CUX2: variants seen among roughly 807,000 people sequenced by gnomAD.
CUX2 encodes the protein homeobox protein cut-like 2.
In CUX2, 40 loss-of-function variants were observed where a neutral mutation model predicts 144.8. The observed-to-expected ratio is 0.28, with a 90% CI of 0.21 to 0.36. CUX2 has a LOEUF of 0.36. CUX2 is among the 10% of genes least tolerant of loss of function. The pLI is 1.00. For synonymous variants in CUX2, 827 were observed against 875.6 expected (o/e 0.94, Z 0.98); for missense variants, 1,615 against 1,994.0 (o/e 0.81, Z 3.62).
At chr12:111,309,765 GTCTCTCTGTCTTGCTCTCCCTCTCTC>G (rs1159971645) in intron 14 of CUX2, among the ~76,000 whole-genome samples, 1 of 148,802 alleles carries the variant, frequency 6.7e-6, no homozygotes, top group African/African-American at 2.5e-5. Flanking sequence ...CTCTCATGTG[GTCTCTCTGTCTTGCTCTCCCTCTCTC>G]TCTCTCTGTC....
chr12:111,183,456 A>G (rs1160838277), intron 1 of CUX2, among the ~76,000 whole-genome samples: 1 of 152,226 alleles, frequency 6.6e-6, no homozygotes, highest in Non-Finnish European at 1.5e-5. Flanking sequence ...GGGTCTGGCA[A>G]TAGGCAGAAG....
At chr12:111,326,395 T>C (rs1268801218) in intron 18 of CUX2, among the ~76,000 whole-genome samples, 1 of 69,154 alleles carries the variant, frequency 1.4e-5, no homozygotes, top group Non-Finnish European at 2.9e-5. Context: ...GAGGGGTGGG[T>C]TTTGTTTATA....
intron 1 of CUX2, among the ~76,000 whole-genome samples, chr12:111,116,877 A>G (rs1487430410): frequency 1.3e-5 from 2 of 152,168 alleles, no homozygotes; most frequent in Non-Finnish European, 2.9e-5. Flanking sequence ...TTAGTTGGAG[A>G]ACATTCTGGT....
chr12:111,229,973 C>T (rs1214554674), intron 3 of CUX2, among the ~76,000 whole-genome samples: 2 of 148,814 alleles, frequency 1.3e-5, no homozygotes, highest in African/African-American at 2.5e-5. Context: ...GAGATCGTGC[C>T]ACTGCACTCC....
At chr12:111,234,716 CTTTT>C in intron 3 of CUX2, among the ~76,000 whole-genome samples, 1 of 132,940 alleles carries the variant, frequency 7.5e-6, no homozygotes, top group African/African-American at 2.8e-5. Context: ...CTTCCCCTTT[CTTTT>C]TTTTTTTTTT....
intron 1 of CUX2, among the ~76,000 whole-genome samples, chr12:111,099,137 C>T (rs1162530294): frequency 6.6e-6 from 1 of 152,238 alleles, no homozygotes; most frequent in Non-Finnish European, 1.5e-5. Context: ...ATCCCAAATG[C>T]TCAGCAGTGT....
Position 111,342,650 on chromosome 12 carries a change from A to G in CUX2, c.3659+597A>G, listed in dbSNP as rs141531122. Among the ~76,000 whole-genome samples the G allele has an allele frequency of 1.1e-3, 165 of 151,874 alleles. No individual in the cohort carries two copies. The East Asian group carries it at 0.016, about 15-fold the overall frequency. ...TGCACAGAGGATTTGATAGACTAACATAGTTACATAAAATACCTAGCGTGT... is the reference window on the plus strand; with the variant it reads ...TGCACAGAGGATTTGATAGACTAACGTAGTTACATAAAATACCTAGCGTGT... On this transcript the variant is annotated intron_variant, in intron 21 of 21. Coordinates refer to ENST00000261726, the MANE Select transcript of CUX2 (RefSeq NM_015267.4).
chr12:111,255,545 C>G lies in CUX2; in HGVS notation c.223-8216C>G, dbSNP rs1883775859. Among the ~76,000 whole-genome samples the G allele has an allele frequency of 6.6e-6, 1 of 152,142 alleles. No homozygotes were observed. The highest frequency in any genetic ancestry group is 2.4e-5 in the African/African-American group (1 of 41,426). Reference sequence around the variant, plus strand: ...GGTTATTCCAGGTGCTTCCACCAGCCCCCAACCAAAGAATCGATTCTGAGT... The same window carrying G: ...GGTTATTCCAGGTGCTTCCACCAGCGCCCAACCAAAGAATCGATTCTGAGT... On this transcript the variant is annotated intron_variant, in intron 3 of 21. Transcript: ENST00000261726. The surrounding 1 kb of genome is among the most constrained non-coding windows in gnomAD (Gnocchi z 4.1).
rs115803748 is a variant in CUX2 at position 111,092,706 on chromosome 12, G to A, written c.63+58466G>A. 5.4e-3 allele frequency among the ~76,000 whole-genome samples: 816 copies of A among 151,938 alleles called. 8 individuals carry two copies. Among genetic ancestry groups the A allele is most frequent in the African/African-American group, 0.018 (756 of 41,436 alleles). Reference sequence around the variant, plus strand: ...CCTTTAATAATAAAGCTGGCAAATAGGAATGGCAGAGGCTAATCTTTGCAG... The same window carrying A: ...CCTTTAATAATAAAGCTGGCAAATAAGAATGGCAGAGGCTAATCTTTGCAG... On this transcript the variant is annotated intron_variant, in intron 1 of 21. Transcript: ENST00000261726.
rs1337654610 is a variant in CUX2 at position 111,035,736 on chromosome 12, C to T, written c.63+1496C>T. 6.6e-6 allele frequency among the ~76,000 whole-genome samples: 1 copy of T among 152,062 alleles called. No individual in the cohort carries two copies. The highest frequency in any genetic ancestry group is 2.4e-5 in the African/African-American group (1 of 41,390). On this transcript the variant is annotated intron_variant, in intron 1 of 21. Transcript: ENST00000261726. The surrounding 1 kb of genome is among the most constrained non-coding windows in gnomAD (Gnocchi z 6.0). ...AGTCCCCGTCCTTCCGAACGCCCCA[C>T]TCCTCGCTCTCCCCCTCCCCCAAAG...
At chr12:111,317,497 C>A (rs1414784739) in intron 16 of CUX2, among the ~76,000 whole-genome samples, 2 of 152,136 alleles carry the variant, frequency 1.3e-5, no homozygotes, top group Non-Finnish European at 2.9e-5. Flanking sequence ...CCTCTGGGAA[C>A]ATATTGCCCA....
At chr12:111,073,859 G>T (rs1871372821) in intron 1 of CUX2, among the ~76,000 whole-genome samples, 1 of 151,970 alleles carries the variant, frequency 6.6e-6, no homozygotes, top group Admixed American at 6.5e-5. Context: ...TACTCCGGAG[G>T]CTGAGGCAGG....
At chr12:111,126,825 T>A (rs1232928323) in intron 1 of CUX2, among the ~76,000 whole-genome samples, 1 of 152,182 alleles carries the variant, frequency 6.6e-6, no homozygotes, top group Non-Finnish European at 1.5e-5. Context: ...ATGCATCTCC[T>A]TAAGCCATGT....
rs542360403 is a variant in CUX2 at position 111,185,879 on chromosome 12, A to G, written c.64-28321A>G. On this transcript the variant is annotated intron_variant, in intron 1 of 21. Coordinates refer to ENST00000261726, the MANE Select transcript of CUX2 (RefSeq NM_015267.4). ...GCCTGCAATGTAGGAGCTGCTAGGC[A>G]GTAGTTGGTCTCTCATTCTCCCTCT... is the stretch of plus-strand genomic sequence containing the variant. 6.6e-5 allele frequency among the ~76,000 whole-genome samples: 10 copies of G among 152,068 alleles called. No homozygotes were observed. In the South Asian group the frequency reaches 1.9e-3, roughly 28 times the overall value.
At chr12:111,346,947 G>C (rs1427453132) in intron 21 of CUX2, among the ~76,000 whole-genome samples, 3 of 152,202 alleles carry the variant, frequency 2.0e-5, no homozygotes, top group Admixed American at 6.5e-5. Flanking sequence ...AGGAGGCAGA[G>C]GTTGCAGTGA....
intron 1 of CUX2, among the ~76,000 whole-genome samples, chr12:111,185,947 C>T (rs1453013038): frequency 2.0e-5 from 3 of 151,696 alleles, no homozygotes; most frequent in Non-Finnish European, 4.4e-5. Flanking sequence ...TTCTGTTTGT[C>T]TCTGTGCCTG....
intron 3 of CUX2, among the ~76,000 whole-genome samples, chr12:111,253,724 A>T (rs1030110317): frequency 2.6e-5 from 4 of 152,168 alleles, no homozygotes; most frequent in Non-Finnish European, 5.9e-5. Flanking sequence ...AAATAAATGT[A>T]TTAGGCATCT....
chr12:111,043,140 G>A lies in CUX2; in HGVS notation c.63+8900G>A, dbSNP rs181000382. On this transcript the variant is annotated intron_variant, in intron 1 of 21. Transcript: ENST00000261726. The stretch of plus-strand genomic sequence containing the variant: ...TTACATATTAAAGATGATATAGTAA[G>A]CAAGGAAGGCAAGGTGCCAGCTCTC... Among the ~76,000 whole-genome samples the A allele has an allele frequency of 1.5e-3, 227 of 152,254 alleles. 1 individual carries two copies. Among genetic ancestry groups the A allele is most frequent in the Non-Finnish European group, 7.1e-4 (48 of 68,026 alleles).
chr12:111,260,621 C>T (rs1046310250), intron 3 of CUX2, among the ~76,000 whole-genome samples: 7 of 152,188 alleles, frequency 4.6e-5, no homozygotes, highest in East Asian at 3.8e-4. Context: ...TGAACAGCTC[C>T]GCTCCAGTGG....
Sources: allele counts gnomAD v4.1 joint callset (sites outside exome capture counted in the v4.1 genomes callset), GRCh38; gene constraint gnomAD v4.1.1; non-coding constraint Gnocchi (gnomAD v3.1); transcripts MANE v1.5; gene names NCBI Gene and HGNC (gene_info 2026-07-23, HGNC 2026-07-21).